Variants in TAS2R1 observed in about 807,000 individuals in gnomAD.
TAS2R1 encodes taste 2 receptor member 1.
For missense variants in TAS2R1, 370 were observed against 353.4 expected (o/e 1.05, Z -0.38); for synonymous variants, 141 against 134.2 (o/e 1.05, Z -0.35).
chr5:9,810,219 T>C, the TAS2R1 span, among the ~76,000 whole-genome samples: 2 of 152,210 alleles, frequency 1.3e-5, no homozygotes, highest in South Asian at 4.1e-4. Flanking sequence ...AGGTCACCGA[T>C]GTCTTTATCT....
the TAS2R1 span, among the ~76,000 whole-genome samples, chr5:9,892,149 T>C: frequency 6.6e-6 from 1 of 152,320 alleles, no homozygotes; most frequent in Non-Finnish European, 1.5e-5. Flanking sequence ...TAGGGGGTTT[T>C]ATTTCTTTAC....
the TAS2R1 span, among the ~76,000 whole-genome samples, chr5:9,747,311 A>C: frequency 1.3e-5 from 2 of 152,270 alleles, no homozygotes; most frequent in Non-Finnish European, 2.9e-5. Flanking sequence ...TTGAGGTGCT[A>C]TACAGGAACA....
chr5:9,693,813 C>T (rs186824170), intron 1 of TAS2R1, among the ~76,000 whole-genome samples: 12 of 152,148 alleles, frequency 7.9e-5, no homozygotes, highest in Admixed American at 2.6e-4. Flanking sequence ...AGTTAACTGA[C>T]GCTTGGTCAG....
chr5:9,745,908 TTGACAAATG>T, the TAS2R1 span, among the ~76,000 whole-genome samples: 3 of 152,030 alleles, frequency 2.0e-5, no homozygotes, highest in African/African-American at 7.2e-5. Context: ...AAAGCCGAAA[TTGACAAATG>T]GGATCTAATC....
At chr5:9,678,907 T>C (rs957703655) in intron 1 of TAS2R1, among the ~76,000 whole-genome samples, 1 of 152,166 alleles carries the variant, frequency 6.6e-6, no homozygotes, top group African/African-American at 2.4e-5. Flanking sequence ...CAAACTTGTA[T>C]ATCCTGCACA....
chr5:9,903,352 T>C, the TAS2R1 span, among the ~76,000 whole-genome samples: 1 of 152,066 alleles, frequency 6.6e-6, no homozygotes, highest in African/African-American at 2.4e-5. Context: ...CAATAGGTTT[T>C]TGGGGAACAG....
chr5:9,778,097 G>A, the TAS2R1 span, among the ~76,000 whole-genome samples: 1 of 151,772 alleles, frequency 6.6e-6, no homozygotes, highest in African/African-American at 2.4e-5. Flanking sequence ...AGCCAGGATG[G>A]TTTCGATCTC....
chr5:9,718,881 A>T, the TAS2R1 span, among the ~76,000 whole-genome samples: 2 of 152,242 alleles, frequency 1.3e-5, no homozygotes, highest in African/African-American at 4.8e-5. Context: ...GTATTAAAAA[A>T]AAAAATCAAT....
chr5:9,790,184 G>C, the TAS2R1 span, among the ~76,000 whole-genome samples: 3 of 152,292 alleles, frequency 2.0e-5, no homozygotes, highest in East Asian at 5.8e-4. Context: ...CTACCATTAA[G>C]CCTTCGATGG....
the TAS2R1 span, among the ~76,000 whole-genome samples, chr5:9,835,962 T>C: frequency 6.6e-6 from 1 of 152,324 alleles, no homozygotes; most frequent in African/African-American, 2.4e-5. Flanking sequence ...GTGTGTGATA[T>C]GGTTTGGCTG....
At chr5:9,763,708 G>A in the TAS2R1 span, among the ~76,000 whole-genome samples, 5 of 152,128 alleles carry the variant, frequency 3.3e-5, no homozygotes, top group African/African-American at 9.7e-5. Context: ...AAGAACAAAG[G>A]AATGAGAGGG....
chr5:9,827,598 GCACACA>G, the TAS2R1 span, among the ~76,000 whole-genome samples: 154 of 147,404 alleles, frequency 1.0e-3, 2 homozygotes, highest in Non-Finnish European at 1.6e-3. Context: ...GTGGTGGCAT[GCACACA>G]CACACACACA....
chr5:9,873,257 T>C, the TAS2R1 span, among the ~76,000 whole-genome samples: 2 of 152,104 alleles, frequency 1.3e-5, no homozygotes, highest in African/African-American at 4.8e-5. Context: ...ATTCTCCCTC[T>C]CTACGACGGG....
chr5:9,643,586 C>A (rs1740128011), intron 2 of TAS2R1, among the ~76,000 whole-genome samples: 1 of 152,126 alleles, frequency 6.6e-6, no homozygotes, highest in African/African-American at 2.4e-5. Context: ...ACTCTAAATT[C>A]ATAAAAAATA....
the TAS2R1 span, among the ~76,000 whole-genome samples, chr5:9,824,970 C>T: frequency 0.051 from 7,720 of 152,066 alleles, 587 homozygotes; most frequent in African/African-American, 0.16. Flanking sequence ...GAAAACCAGA[C>T]CCTTGCACTG....
chr5:9,666,045 G>A (rs1434421187), intron 1 of TAS2R1, among the ~76,000 whole-genome samples: 5 of 151,960 alleles, frequency 3.3e-5, no homozygotes, highest in African/African-American at 4.8e-5. Context: ...GAGTTGAACT[G>A]GATTCAGGAA....
intron 1 of TAS2R1, among the ~76,000 whole-genome samples, chr5:9,706,558 A>T (rs962215969): frequency 6.6e-6 from 1 of 152,244 alleles, no homozygotes; most frequent in African/African-American, 2.4e-5. Flanking sequence ...TCCAGGAAAC[A>T]ATGAAAGGTT....
chr5:9,726,370 C>G, the TAS2R1 span, among the ~76,000 whole-genome samples: 1 of 152,196 alleles, frequency 6.6e-6, no homozygotes, highest in Non-Finnish European at 1.5e-5. Context: ...GACCACTGGG[C>G]TCTACCAGTC....
chr5:9,688,870 A>G (rs1244560845), intron 1 of TAS2R1, among the ~76,000 whole-genome samples: 1 of 152,160 alleles, frequency 6.6e-6, no homozygotes, highest in Non-Finnish European at 1.5e-5. Flanking sequence ...GGAATGGAGC[A>G]GTGGGAACCC....
Sources: gnomAD v4.1 joint callset for allele counts (sites outside exome capture counted in the v4.1 genomes callset) on GRCh38, gnomAD v4.1.1 for gene constraint, MANE v1.5 for transcripts, NCBI Gene and HGNC (gene_info 2026-07-23, HGNC 2026-07-21) for gene names.